GABRG3: variants seen among roughly 807,000 people sequenced by gnomAD.
The protein encoded by GABRG3 is gamma-aminobutyric acid type A receptor subunit gamma3.
In GABRG3, 25 loss-of-function variants were observed where a neutral mutation model predicts 48.8. The ratio of observed to expected loss-of-function variants is 0.51; its 90% CI spans 0.37 to 0.72. The LOEUF is 0.72. Among genes scored for constraint, GABRG3 ranks in the 30% least tolerant of loss-of-function variants. The pLI is 0.00. For missense variants in GABRG3, 394 were observed against 577.9 expected (o/e 0.68, Z 3.26); for synonymous variants, 227 against 217.6 (o/e 1.04, Z -0.38).
At chr15:27,519,122 C>T (rs764727545) in intron 6 of GABRG3, among the ~76,000 whole-genome samples, 4 of 151,998 alleles carry the variant, frequency 2.6e-5, no homozygotes, top group Non-Finnish European at 5.9e-5. Context: ...TGGTGGATTT[C>T]GGGCACTGGA....
intron 6 of GABRG3, among the ~76,000 whole-genome samples, chr15:27,487,720 T>A (rs999391408): frequency 2.0e-5 from 3 of 152,186 alleles, no homozygotes; most frequent in Non-Finnish European, 4.4e-5. Flanking sequence ...CAATATTTGA[T>A]CAGAAGGAAA....
chr15:26,993,081 C>T (rs2140648810), intron 2 of GABRG3, among the ~76,000 whole-genome samples: 2 of 151,816 alleles, frequency 1.3e-5, no homozygotes, highest in East Asian at 3.9e-4. Flanking sequence ...TCCAATGTTA[C>T]TTATTTGGGT....
rs371712541 is a variant in GABRG3 at position 27,435,338 on chromosome 15, G to A, written c.575-45312G>A. Among the ~76,000 whole-genome samples, 29 of 151,662 alleles carry A rather than the reference G, an allele frequency of 1.9e-4. 1 individual carries two copies. The highest frequency in any genetic ancestry group is 6.6e-4 in the Admixed American group (10 of 15,228). ...TAAATATTGTTATTTACTTTTTTAA[G>A]CCGTTTTGGGCCGTATGGTCTCTCT... On this transcript the variant is annotated intron_variant, in intron 5 of 9. Transcript: ENST00000615808.
At chr15:27,145,654 T>TATCTATC (rs1898195460) in intron 3 of GABRG3, among the ~76,000 whole-genome samples, 1 of 148,126 alleles carries the variant, frequency 6.8e-6, no homozygotes, top group African/African-American at 2.6e-5. Flanking sequence ...TCTATCTATC[T>TATCTATC]ATCTATCTAT....
chr15:27,126,677 T>G (rs2140379845), intron 3 of GABRG3, among the ~76,000 whole-genome samples: 1 of 152,220 alleles, frequency 6.6e-6, no homozygotes, highest in South Asian at 2.1e-4. Context: ...AAATCCATGG[T>G]GAGGATGGAA....
chr15:27,436,923 G>A (rs908770072), intron 5 of GABRG3, among the ~76,000 whole-genome samples: 1 of 151,436 alleles, frequency 6.6e-6, no homozygotes, highest in Non-Finnish European at 1.5e-5. Flanking sequence ...TTGAGTCCAG[G>A]AGTTCAATGC....
chr15:27,177,268 A>G (rs1887777445), intron 3 of GABRG3, among the ~76,000 whole-genome samples: 1 of 152,136 alleles, frequency 6.6e-6, no homozygotes, highest in Non-Finnish European at 1.5e-5. Context: ...CCACAATGCA[A>G]AAGTCTGAGA....
At chr15:27,222,100 C>T (rs985525744) in intron 3 of GABRG3, among the ~76,000 whole-genome samples, 1 of 152,210 alleles carries the variant, frequency 6.6e-6, no homozygotes, top group Non-Finnish European at 1.5e-5. Context: ...GAACCTTAGT[C>T]CCTTAAATCT....
At chr15:27,260,619 CTG>C in intron 3 of GABRG3, among the ~76,000 whole-genome samples, 1 of 152,192 alleles carries the variant, frequency 6.6e-6, no homozygotes, top group Non-Finnish European at 1.5e-5. Context: ...ACTTGAGCAT[CTG>C]TAGATTTTGG....
At chr15:27,404,574 T>C (rs934000226) in intron 5 of GABRG3, among the ~76,000 whole-genome samples, 10 of 152,266 alleles carry the variant, frequency 6.6e-5, no homozygotes, top group Admixed American at 2.6e-4. Context: ...TTAATGGACA[T>C]TGTCTGCTCA....
At chr15:27,435,647 G>C (rs1214575591) in intron 5 of GABRG3, among the ~76,000 whole-genome samples, 5 of 152,152 alleles carry the variant, frequency 3.3e-5, no homozygotes, top group African/African-American at 4.8e-5. Flanking sequence ...ATTTATGCTA[G>C]TCTCTCGTTA....
intron 5 of GABRG3, among the ~76,000 whole-genome samples, chr15:27,386,884 A>G (rs1343432032): frequency 6.6e-6 from 1 of 152,176 alleles, no homozygotes; most frequent in Non-Finnish European, 1.5e-5. Context: ...TTGTTCTTGG[A>G]TTTCAGAAAA....
At chr15:27,219,683 G>A (rs963911625) in intron 3 of GABRG3, among the ~76,000 whole-genome samples, 2 of 152,182 alleles carry the variant, frequency 1.3e-5, no homozygotes, top group African/African-American at 4.8e-5. Context: ...CTTGCTGGCT[G>A]GCCACTGTTG....
At chr15:27,238,378 C>G (rs939640893) in intron 3 of GABRG3, among the ~76,000 whole-genome samples, 7 of 152,218 alleles carry the variant, frequency 4.6e-5, no homozygotes, top group Non-Finnish European at 1.0e-4. Context: ...TCCACGGCTG[C>G]CTTAGCTGGA....
intron 6 of GABRG3, among the ~76,000 whole-genome samples, chr15:27,518,245 T>C (rs957357345): frequency 6.7e-6 from 1 of 149,622 alleles, no homozygotes. Context: ...GGCACATGCC[T>C]GTAATCCCAG....
At chr15:27,312,498 A>C (rs1244612444) in intron 3 of GABRG3, among the ~76,000 whole-genome samples, 2 of 152,186 alleles carry the variant, frequency 1.3e-5, no homozygotes, top group Non-Finnish European at 2.9e-5. Context: ...ATTATAATCA[A>C]ATTGCCAAAA....
At chr15:27,007,301 G>A (rs1322586956) in intron 2 of GABRG3, among the ~76,000 whole-genome samples, 4 of 151,938 alleles carry the variant, frequency 2.6e-5, no homozygotes, top group African/African-American at 4.8e-5. Flanking sequence ...GGCTGGTCTC[G>A]AACTCCTGAG....
At chr15:27,152,240 T>G (rs1240778524) in intron 3 of GABRG3, among the ~76,000 whole-genome samples, 1 of 152,216 alleles carries the variant, frequency 6.6e-6, no homozygotes, top group African/African-American at 2.4e-5. Context: ...AAGACTATGT[T>G]TCCTCCATGA....
intron 5 of GABRG3, among the ~76,000 whole-genome samples, chr15:27,437,104 T>A (rs1285831289): frequency 6.6e-6 from 1 of 151,962 alleles, no homozygotes; most frequent in Non-Finnish European, 1.5e-5. Context: ...TTAGCTTGGA[T>A]AATGTTGGTT....
Sources: gnomAD v4.1 joint callset for allele counts (sites outside exome capture counted in the v4.1 genomes callset) on GRCh38, gnomAD v4.1.1 for gene constraint, MANE v1.5 for transcripts, NCBI Gene and HGNC (gene_info 2026-07-23, HGNC 2026-07-21) for gene names.